Variants in PARP15 observed in about 807,000 individuals in gnomAD.
PARP15 encodes protein mono-ADP-ribosyltransferase PARP15.
PARP15 carries 50 observed loss-of-function variants against 62.1 expected under a neutral mutation model. The observed-to-expected ratio is 0.81, with a 90% CI of 0.64 to 1.02. The LOEUF (loss-of-function observed/expected upper bound fraction) is 1.02, where lower values mean the gene tolerates loss of function less well. Among genes scored for constraint, PARP15 ranks in the 50% least tolerant of loss-of-function variants. The probability of loss-of-function intolerance (pLI) is 0.00; values close to 1 mark genes in which losing one functional copy is unlikely to be tolerated. For synonymous variants in PARP15, 309 were observed against 293.1 expected, an observed-to-expected ratio of 1.05 and a Z score of -0.55; for missense variants, 820 against 826.5, an observed-to-expected ratio of 0.99 and a Z score of 0.10.
At chr3:122,604,306 A>G (rs140963332) in intron 1 of PARP15, among the ~76,000 whole-genome samples, 33 of 152,296 alleles carry the variant, frequency 2.2e-4, no homozygotes, top group African/African-American at 7.5e-4. Context: ...TCTATGATCG[A>G]TTAATAGTCA....
chr3:122,613,271 A>C lies in PARP15; in HGVS notation c.771+3A>C. The C allele has an allele frequency of 6.5e-7, 1 of 1,530,348 alleles. No individual in the cohort carries two copies. The highest frequency in any genetic ancestry group is 8.9e-7 in the Non-Finnish European group (1 of 1,127,288). 94.8% of individuals were successfully genotyped at this position (1,530,348 alleles called of 1,614,324 possible). A position where few individuals can be genotyped will look rare whatever the true frequency, so the allele number is the denominator to read the frequency against. ...CAAATGACGATGAAGGCTGTCAGGT[A>C]TGGTTACATATCCCATCTGGTTAAT... is the stretch of plus-strand genomic sequence containing the variant. On this transcript the variant is annotated splice_donor_region_variant and intron_variant, in intron 4 of 11. Transcript: ENST00000464300.
rs533379410 is a variant in PARP15, at chr3:122,626,844, C to A, written c.1249C>A (p.Pro417Thr). ...AIGTGNAGKN[P>T]ITVADNIIDA... ...TTTTTCAGGAAATGCCGGAAAAAAC[C>A]CTATCACAGTTGCTGATAACATAAT... Residue 417 changes from proline to threonine, a missense_variant, in exon 9 of 12, where the codon CCT becomes ACT. Physicochemically the swap from Pro to Thr is conservative, Grantham distance 38. This residue lies in a region of PARP15 where 731 missense variants were observed against 727.7 expected (regional missense o/e 1.00). Coordinates refer to ENST00000464300, the MANE Select transcript of PARP15 (RefSeq NM_001113523.3). The A allele has an allele frequency of 4.2e-5, 68 of 1,609,244 alleles. No homozygotes were observed. Among genetic ancestry groups the A allele is most frequent in the South Asian group, 3.5e-4 (31 of 89,250 alleles).
At chr3:122,591,266 G>C (rs1032377575) in intron 1 of PARP15, among the ~76,000 whole-genome samples, 3 of 152,176 alleles carry the variant, frequency 2.0e-5, no homozygotes, top group Non-Finnish European at 4.4e-5. Flanking sequence ...TGGATAAAAT[G>C]GAAGAAGTGG....
At chr3:122,596,814 G>C (rs887736175) in intron 1 of PARP15, among the ~76,000 whole-genome samples, 1 of 152,160 alleles carries the variant, frequency 6.6e-6, no homozygotes, top group Admixed American at 6.5e-5. Flanking sequence ...AAGCCAAAAA[G>C]TATCCCTGAA....
intron 1 of PARP15, among the ~76,000 whole-genome samples, chr3:122,591,121 A>T (rs997319893): frequency 6.6e-6 from 1 of 152,216 alleles, no homozygotes; most frequent in Non-Finnish European, 1.5e-5. Flanking sequence ...CAAAGTATTT[A>T]AAAATAGGAA....
chr3:122,612,014 A>G (rs929728415), intron 3 of PARP15, among the ~76,000 whole-genome samples: 2 of 144,088 alleles, frequency 1.4e-5, no homozygotes. Flanking sequence ...ACAACTGGAC[A>G]GCATATTTAT....
chr3:122,618,614 A>G (rs75286535), intron 6 of PARP15, among the ~76,000 whole-genome samples: 5,025 of 152,290 alleles, frequency 0.033, 301 homozygotes, highest in African/African-American at 0.11. Context: ...CCTCCATCCT[A>G]TACAGCAGTA....
intron 2 of PARP15, among the ~76,000 whole-genome samples, chr3:122,608,491 C>T (rs1344159961): frequency 2.6e-5 from 4 of 152,126 alleles, no homozygotes; most frequent in Non-Finnish European, 4.4e-5. Flanking sequence ...GCTGGGATTA[C>T]AGGCATGAGC....
At chr3:122,589,463 T>C (rs1933699490) in intron 1 of PARP15, among the ~76,000 whole-genome samples, 2 of 152,354 alleles carry the variant, frequency 1.3e-5, no homozygotes, top group Admixed American at 1.3e-4. Flanking sequence ...GTGAAATTGC[T>C]GAGTCACATG....
At chr3:122,635,293 A>G (rs564475826) in intron 11 of PARP15, 99 bp downstream of exon 11, 1 of 1,099,176 alleles carries the variant, frequency 9.1e-7, no homozygotes, top group East Asian at 2.6e-5. Flanking sequence ...CAGCTGTATT[A>G]TCACTGTCAG....
At chr3:122,605,903 AT>A in intron 1 of PARP15, 32 bp from the exon 2 acceptor site, 2 of 1,546,016 alleles carry the variant, frequency 1.3e-6, no homozygotes, top group Non-Finnish European at 1.7e-6. Context: ...TGAAATTGGC[AT>A]TGCTGGTAAT....
At chr3:122,600,182 T>C (rs778551332) in intron 1 of PARP15, among the ~76,000 whole-genome samples, 2 of 152,114 alleles carry the variant, frequency 1.3e-5, no homozygotes, top group Non-Finnish European at 2.9e-5. Flanking sequence ...GACATAAGAG[T>C]ACTAAAATAA....
rs1937392510 is a variant in PARP15 at position 122,636,679 on chromosome 3, T to A, written c.*579T>A. 2.0e-5 allele frequency: 3 copies of A among 153,064 alleles called. No individual in the cohort carries two copies. The highest frequency in any genetic ancestry group is 4.8e-5 in the African/African-American group (2 of 41,440). 9.5% of individuals were successfully genotyped at this position (153,064 alleles called of 1,614,324 possible). A position where few individuals can be genotyped will look rare whatever the true frequency, so the allele number is the denominator to read the frequency against. ...GCATTGTTATCTAATATTAAAAAATTACCCCCAATTTTAGTGACTTAATCC... is the reference window on the plus strand; with the variant it reads ...GCATTGTTATCTAATATTAAAAAATAACCCCCAATTTTAGTGACTTAATCC... On this transcript the variant is annotated 3_prime_UTR_variant, in exon 12 of 12. Coordinates refer to ENST00000464300, the MANE Select transcript of PARP15 (RefSeq NM_001113523.3).
chr3:122,608,213 CTTTT>C (rs71136576), intron 2 of PARP15, among the ~76,000 whole-genome samples: 9 of 113,914 alleles, frequency 7.9e-5, no homozygotes, highest in Admixed American at 3.7e-4. Flanking sequence ...TTTCTCTTTT[CTTTT>C]TTTTTTTTTT....
Position 122,621,503 on chromosome 3 carries a change from A to G in PARP15, c.1123A>G (p.Ile375Val), listed in dbSNP as rs142282414. The change falls in exon 8 of 12, where the codon ATA becomes GTA. Residue 375 changes from isoleucine (I) to valine (V), a missense_variant. Physicochemically the swap from Ile to Val is conservative, Grantham distance 29. This residue lies in a region of PARP15 where 731 missense variants were observed against 727.7 expected (regional missense o/e 1.00). Transcript: ENST00000464300. ...AGGTGGATGCTTAAAGTGCAAAATA[A>G]TAATTCATGTTCCTGGGGGAAAAGA... ...TPGGCLKCKI[I>V]IHVPGGKDVR... 13 of 1,613,974 alleles carry G rather than the reference A, an allele frequency of 8.1e-6. No individual in the cohort carries two copies. In the African/African-American group the frequency reaches 1.6e-4, roughly 20 times the overall value.
chr3:122,608,941 G>A (rs922483522), intron 2 of PARP15, among the ~76,000 whole-genome samples: 1 of 151,734 alleles, frequency 6.6e-6, no homozygotes, highest in African/African-American at 2.4e-5. Flanking sequence ...TAATTGTAGA[G>A]ACAAAGTCTC....
intron 1 of PARP15, among the ~76,000 whole-genome samples, chr3:122,578,981 T>G (rs1361436982): frequency 6.6e-6 from 1 of 152,234 alleles, no homozygotes; most frequent in African/African-American, 2.4e-5. Flanking sequence ...CCTCCAAATT[T>G]TAAGCTGGAA....
Position 122,613,197 on chromosome 3 carries a change from A to G in PARP15, c.700A>G (p.Thr234Ala), listed in dbSNP as rs767029569. 70 of 1,551,770 alleles carry G rather than the reference A, an allele frequency of 4.5e-5. No homozygotes were observed. The highest frequency in any genetic ancestry group is 2.0e-5 in the Admixed American group (1 of 50,998). Residue 234 changes from threonine to alanine, a missense_variant, in exon 4 of 12, where the codon ACA becomes GCA. Physicochemically the swap from Thr to Ala is moderately conservative, Grantham distance 58. Around this residue, in one of 3 missense-constraint regions of PARP15, gnomAD observed 731 missense variants for 727.7 expected, o/e 1.00. Transcript: ENST00000464300. ...LSEVFEYSSSTRPITSPLQEV... is the reference protein window; with the variant it reads ...LSEVFEYSSSARPITSPLQEV... ...AGAAGTGTTCGAATACAGTAGCAGC[A>G]CAAGGCCGATAACTAGCCCTTTACA...
intron 1 of PARP15, among the ~76,000 whole-genome samples, chr3:122,586,703 T>C (rs1339045992): frequency 1.3e-5 from 2 of 152,110 alleles, no homozygotes; most frequent in Non-Finnish European, 2.9e-5. Flanking sequence ...AGAGTTCCTA[T>C]ATACCCCTCA....
Sources: gnomAD v4.1 joint callset for allele counts (sites outside exome capture counted in the v4.1 genomes callset) on GRCh38, gnomAD v4.1.1 for gene constraint, gnomAD v4.1.1 regional missense constraint, MANE v1.5 for transcripts, NCBI Gene and HGNC (gene_info 2026-07-23, HGNC 2026-07-21) for gene names.